The following LRRN1 variants were observed in gnomAD, a reference collection of about 807,000 sequenced individuals.
LRRN1 encodes leucine rich repeat neuronal 1.
LRRN1 carries 14 observed loss-of-function variants against 45.8 expected under a neutral mutation model. That is an observed-to-expected ratio of 0.31 (90% CI 0.20 to 0.48). LRRN1 has a LOEUF of 0.48. LRRN1 is among the 20% of genes least tolerant of loss of function. The pLI, the probability that LRRN1 is intolerant of heterozygous loss-of-function variation, is 0.99. For missense variants in LRRN1, 789 were observed against 874.2 expected (o/e 0.90, Z 1.23); for synonymous variants, 359 against 330.1 (o/e 1.09, Z -0.95).
intron 1 of LRRN1, among the ~76,000 whole-genome samples, chr3:3,809,590 C>T (rs1692836042): frequency 6.6e-6 from 1 of 152,188 alleles, no homozygotes. Context: ...TCAGTCATTG[C>T]CGTAGTGTTA....
In LRRN1 at chr3:3,847,540, T is replaced by G. The variant is rs1170290118; in HGVS notation, c.*748T>G. The G allele has an allele frequency of 6.0e-6, 1 of 167,062 alleles. No individual in the cohort carries two copies. The highest frequency in any genetic ancestry group is 6.5e-5 in the Admixed American group (1 of 15,284). 10.3% of individuals were successfully genotyped at this position (167,062 alleles called of 1,614,324 possible). ...GACACTTTTAAAAGAAAAGACAAGT[T>G]TGTTGTGTTTAACTCACCAACACGT... On this transcript the variant is annotated 3_prime_UTR_variant, in exon 2 of 2. Transcript: ENST00000319331.
In LRRN1 at chr3:3,845,450, T is replaced by G; in HGVS notation, c.809T>G (p.Leu270Arg). The G allele has an allele frequency of 6.2e-7, 1 of 1,614,022 alleles. No homozygotes were observed. Among genetic ancestry groups the G allele is most frequent in the Admixed American group, 1.7e-5 (1 of 60,004 alleles). ...GTTCCAAATTTGAAATTCTTAGACC[T>G]CAACAAAAACCCCATTCACAAAATC... is the stretch of plus-strand genomic sequence containing the variant. ...QKVPNLKFLDLNKNPIHKIQE... is the reference protein window; with the variant it reads ...QKVPNLKFLDRNKNPIHKIQE... Residue 270 changes from leucine (L) to arginine (R), a missense_variant, in exon 2 of 2, where the codon CTC becomes CGC. Transcript: ENST00000319331. The surrounding 1 kb of genome is among the most constrained non-coding windows in gnomAD (Gnocchi z 6.5).
At position 3,845,235 on chromosome 3, in the gene LRRN1, C is replaced by T. The variant is rs3749348; in HGVS notation, c.594C>T (p.Ile198=). Residue 198 remains isoleucine (I), a synonymous_variant, in exon 2 of 2, where the codon ATC becomes ATT. Transcript: ENST00000319331. The surrounding 1 kb of genome is among the most constrained non-coding windows in gnomAD (Gnocchi z 6.5). The part of the protein sequence containing the change: ...DSTPNLEILM[I]GENPVIGILD... ...CACCCAACCTGGAAATTCTCATGATCGGAGAAAACCCTGTGATTGGAATTC... is the reference window on the plus strand; with the variant it reads ...CACCCAACCTGGAAATTCTCATGATTGGAGAAAACCCTGTGATTGGAATTC... 221,159 of 1,613,952 alleles carry T rather than the reference C, an allele frequency of 0.14. 16,899 individuals carry two copies. Among genetic ancestry groups the T allele is most frequent in the East Asian group, 0.29 (13,170 of 44,878 alleles).
chr3:3,836,256 G>A (rs931072750), intron 1 of LRRN1, among the ~76,000 whole-genome samples: 3 of 152,178 alleles, frequency 2.0e-5, no homozygotes, highest in Admixed American at 6.6e-5. Flanking sequence ...GTACAGTTCA[G>A]TTGTGTTAAG....
In LRRN1 at chr3:3,849,795, AT is replaced by A; in HGVS notation, c.*3010del. Among the ~76,000 whole-genome samples the A allele has an allele frequency of 6.6e-6, 1 of 152,114 alleles. No homozygotes were observed. The highest frequency in any genetic ancestry group is 2.4e-5 in the African/African-American group (1 of 41,512). ...GATTTGGCAAAAAGGAATCATCTCT[AT>A]TTTTTTGCAAACAATATCAAAGTGC... is the stretch of plus-strand genomic sequence containing the variant. On this transcript the variant is annotated 3_prime_UTR_variant, in exon 2 of 2. Transcript: ENST00000319331.
intron 1 of LRRN1, among the ~76,000 whole-genome samples, chr3:3,823,542 C>T (rs1405840538): frequency 6.6e-6 from 1 of 152,106 alleles, no homozygotes; most frequent in East Asian, 1.9e-4. Flanking sequence ...CTCTAATTGT[C>T]TTAAGTTGAC....
At chr3:3,810,897 T>G (rs921071845) in intron 1 of LRRN1, among the ~76,000 whole-genome samples, 4 of 152,174 alleles carry the variant, frequency 2.6e-5, no homozygotes, top group African/African-American at 7.2e-5. Flanking sequence ...TTAACTTGAT[T>G]TTCTTTGAAT....
chr3:3,842,262 C>T (rs926032265), intron 1 of LRRN1, among the ~76,000 whole-genome samples: 13 of 151,702 alleles, frequency 8.6e-5, no homozygotes, highest in Non-Finnish European at 1.5e-5. Flanking sequence ...GTAAAGTAAC[C>T]AGACTTGGAG....
chr3:3,844,511 C>T lies in LRRN1; in HGVS notation c.-131C>T, dbSNP rs1693713928. 2 of 737,306 alleles carry T rather than the reference C, an allele frequency of 2.7e-6. No homozygotes were observed. The highest frequency in any genetic ancestry group is 3.6e-5 in the African/African-American group (2 of 56,222). 45.7% of individuals were successfully genotyped at this position (737,306 alleles called of 1,614,324 possible). A position where few individuals can be genotyped will look rare whatever the true frequency, so the allele number is the denominator to read the frequency against. On this transcript the variant is annotated 5_prime_UTR_variant, in exon 2 of 2. Coordinates refer to ENST00000319331, the MANE Select transcript of LRRN1 (RefSeq NM_020873.7). ...AACCATCCCTTTGGACTCTGGAATTCTACACAGCTCAACCAAGACTTTGCT... is the reference window on the plus strand; with the variant it reads ...AACCATCCCTTTGGACTCTGGAATTTTACACAGCTCAACCAAGACTTTGCT...
chr3:3,823,867 A>T (rs1379814903), intron 1 of LRRN1, among the ~76,000 whole-genome samples: 1 of 152,172 alleles, frequency 6.6e-6, no homozygotes, highest in East Asian at 1.9e-4. Flanking sequence ...GGGTACCTTT[A>T]AGAGCAGAAA....
intron 1 of LRRN1, chr3:3,801,184 C>G (rs1692645064): frequency 6.6e-6 from 1 of 152,238 alleles, no homozygotes; most frequent in African/African-American, 2.4e-5. Context: ...GGCCGGGGTA[C>G]AAATGGTTCT....
At chr3:3,803,250 G>A (rs1281304562) in intron 1 of LRRN1, among the ~76,000 whole-genome samples, 1 of 152,044 alleles carries the variant, frequency 6.6e-6, no homozygotes, top group Non-Finnish European at 1.5e-5. Flanking sequence ...AAAGAAAATC[G>A]GTCTCTACGG....
At chr3:3,819,496 G>A (rs1693057852) in intron 1 of LRRN1, among the ~76,000 whole-genome samples, 1 of 152,090 alleles carries the variant, frequency 6.6e-6, no homozygotes, top group African/African-American at 2.4e-5. Flanking sequence ...TTAGCTTCTG[G>A]GGGTTTGCTG....
chr3:3,821,842 C>G (rs1268151222), intron 1 of LRRN1, among the ~76,000 whole-genome samples: 1 of 152,172 alleles, frequency 6.6e-6, no homozygotes, highest in Non-Finnish European at 1.5e-5. Context: ...TGAATTGATT[C>G]AGCTAGCTGT....
At chr3:3,801,992 T>A (rs1692662438) in intron 1 of LRRN1, among the ~76,000 whole-genome samples, 1 of 152,214 alleles carries the variant, frequency 6.6e-6, no homozygotes, top group African/African-American at 2.4e-5. Flanking sequence ...TCGTTGTCGT[T>A]GACCGACATG....
At chr3:3,837,213 C>T (rs1693539878) in intron 1 of LRRN1, among the ~76,000 whole-genome samples, 1 of 152,176 alleles carries the variant, frequency 6.6e-6, no homozygotes, top group Admixed American at 6.5e-5. Context: ...AAAAGAAAAA[C>T]TTGACTTTCC....
In LRRN1 at chr3:3,830,583, A is replaced by G. The variant is rs993200626; in HGVS notation, c.-278-13781A>G. Among the ~76,000 whole-genome samples the G allele has an allele frequency of 3.9e-5, 6 of 152,214 alleles. No homozygotes were observed. The South Asian group carries it at 8.3e-4, about 21-fold the overall frequency. On this transcript the variant is annotated intron_variant, in intron 1 of 1. Coordinates refer to ENST00000319331, the MANE Select transcript of LRRN1 (RefSeq NM_020873.7). ...GCCCTAGTCTTCTCTTCCTCTGTCA[A>G]CTGATCATAGGGAACTCCCCATGAG...
chr3:3,815,396 A>G (rs1692966938), intron 1 of LRRN1, among the ~76,000 whole-genome samples: 1 of 152,174 alleles, frequency 6.6e-6, no homozygotes, highest in South Asian at 2.1e-4. Flanking sequence ...CTTACACAGA[A>G]GAGTTGCTCA....
intron 1 of LRRN1, among the ~76,000 whole-genome samples, chr3:3,818,788 T>G (rs1224060812): frequency 6.6e-6 from 1 of 152,096 alleles, no homozygotes; most frequent in Non-Finnish European, 1.5e-5. Context: ...GCTTTTAAAG[T>G]TAAGGAACAG....
Sources: gnomAD v4.1 joint callset for allele counts (sites outside exome capture counted in the v4.1 genomes callset) on GRCh38, gnomAD v4.1.1 for gene constraint, Gnocchi (gnomAD v3.1) non-coding constraint, MANE v1.5 for transcripts, NCBI Gene and HGNC (gene_info 2026-07-23, HGNC 2026-07-21) for gene names.